NOL4: variants seen among roughly 807,000 people sequenced by gnomAD.
NOL4 encodes the protein cancer/testis antigen 125.
NOL4 carries 17 observed loss-of-function variants against 75.9 expected under a neutral mutation model. The ratio of observed to expected loss-of-function variants is 0.22; its 90% CI spans 0.15 to 0.34. NOL4 has a LOEUF of 0.34. Ranked by LOEUF, NOL4 falls within the 10% of genes least tolerant of loss-of-function variation. NOL4 has a pLI of 1.00. For missense variants in NOL4, 614 were observed against 793.5 expected (o/e 0.77, Z 2.72); for synonymous variants, 292 against 289.9 (o/e 1.01, Z -0.07).
chr18:34,153,248 A>G (rs2081734576), intron 1 of NOL4, among the ~76,000 whole-genome samples: 1 of 151,902 alleles, frequency 6.6e-6, no homozygotes, highest in African/African-American at 2.4e-5. Flanking sequence ...TCCAATATTT[A>G]TAAAATAATA....
intron 6 of NOL4, among the ~76,000 whole-genome samples, chr18:33,973,687 T>A (rs889644897): frequency 6.6e-6 from 1 of 152,162 alleles, no homozygotes; most frequent in African/African-American, 2.4e-5. Context: ...TTCTTGTGTA[T>A]CTCCATCAGA....
At chr18:34,138,008 C>T (rs1015093819) in intron 1 of NOL4, among the ~76,000 whole-genome samples, 1 of 152,062 alleles carries the variant, frequency 6.6e-6, no homozygotes, top group Non-Finnish European at 1.5e-5. Context: ...ACTGATTCAT[C>T]CATGGATAAA....
chr18:34,145,520 G>T (rs1164767887), intron 1 of NOL4, among the ~76,000 whole-genome samples: 1 of 151,606 alleles, frequency 6.6e-6, no homozygotes, highest in African/African-American at 2.4e-5. Flanking sequence ...CTAAACTCAA[G>T]AATTTATAGA....
At chr18:34,140,373 T>G (rs1255286857) in intron 1 of NOL4, among the ~76,000 whole-genome samples, 1 of 152,212 alleles carries the variant, frequency 6.6e-6, no homozygotes, top group African/African-American at 2.4e-5. Context: ...CTGTATTGGG[T>G]GCATATATAT....
At chr18:33,991,433 C>T (rs537760371) in intron 6 of NOL4, among the ~76,000 whole-genome samples, 4 of 152,182 alleles carry the variant, frequency 2.6e-5, no homozygotes, top group African/African-American at 9.6e-5. Context: ...TTAACATCTA[C>T]TCTGTTGACA....
chr18:33,972,195 G>C (rs1351762975), intron 6 of NOL4, among the ~76,000 whole-genome samples: 1 of 151,232 alleles, frequency 6.6e-6, no homozygotes, highest in African/African-American at 2.4e-5. Flanking sequence ...CAAAAATTTA[G>C]TCCAAAGATT....
At chr18:33,923,180 C>T (rs893323859) in intron 9 of NOL4, among the ~76,000 whole-genome samples, 1 of 151,984 alleles carries the variant, frequency 6.6e-6, no homozygotes, top group African/African-American at 2.4e-5. Flanking sequence ...TTTGGATATA[C>T]CAATTTTTTG....
intron 4 of NOL4, among the ~76,000 whole-genome samples, chr18:34,095,253 G>A (rs1271109082): frequency 6.9e-6 from 1 of 145,102 alleles, no homozygotes; most frequent in Non-Finnish European, 1.5e-5. Context: ...TAATGTGTAT[G>A]TGTGTGTGTG....
intron 2 of NOL4, among the ~76,000 whole-genome samples, chr18:34,110,163 A>AT (rs1568354254): frequency 1.2e-5 from 1 of 81,396 alleles, no homozygotes; most frequent in Admixed American, 1.5e-4. Flanking sequence ...AAAAAAAAAA[A>AT]TACTGGGTAG....
At chr18:34,201,532 T>C (rs1180145130) in intron 1 of NOL4, among the ~76,000 whole-genome samples, 1 of 151,916 alleles carries the variant, frequency 6.6e-6, no homozygotes, top group African/African-American at 2.4e-5. Context: ...AAGATAGTTA[T>C]ATAAATACTG....
intron 9 of NOL4, among the ~76,000 whole-genome samples, chr18:33,894,177 C>T (rs2065262996): frequency 6.6e-6 from 1 of 152,004 alleles, no homozygotes. Context: ...AAGTAAATTG[C>T]TGAGTTTCCA....
At chr18:34,031,776 T>C (rs1008356514) in intron 5 of NOL4, among the ~76,000 whole-genome samples, 4 of 151,786 alleles carry the variant, frequency 2.6e-5, no homozygotes, top group African/African-American at 9.7e-5. Flanking sequence ...AAGGAAAGAG[T>C]AAGTGAGAAA....
chr18:34,117,879 T>C (rs555798517), intron 2 of NOL4, among the ~76,000 whole-genome samples: 8 of 152,144 alleles, frequency 5.3e-5, no homozygotes, highest in South Asian at 2.1e-4. Flanking sequence ...TCACATAACG[T>C]TGGCAAATCA....
At chr18:33,879,832 A>G (rs1377373041) in intron 10 of NOL4, among the ~76,000 whole-genome samples, 1 of 151,996 alleles carries the variant, frequency 6.6e-6, no homozygotes, top group Non-Finnish European at 1.5e-5. Context: ...AGCCTTGAGC[A>G]TATCTCTTTC....
chr18:33,880,492 A>T (rs2064200347), intron 10 of NOL4, among the ~76,000 whole-genome samples: 1 of 152,058 alleles, frequency 6.6e-6, no homozygotes, highest in Non-Finnish European at 1.5e-5. Context: ...TTAGACTTCA[A>T]CCTGGTATAT....
Position 34,003,599 on chromosome 18 carries a change from T to G in NOL4, c.1056+15719A>C, listed in dbSNP as rs1034803733. ...AAGATAAAGTATAAGCCCTTCAGTA[T>G]GCATATGATACCTTCTTGTTCTGGC... is the stretch of plus-strand genomic sequence containing the variant. On this transcript the variant is annotated intron_variant, in intron 6 of 10. Coordinates refer to ENST00000261592, the MANE Select transcript of NOL4 (RefSeq NM_003787.5). 5.3e-5 allele frequency among the ~76,000 whole-genome samples: 8 copies of G among 152,220 alleles called. 1 individual carries two copies. The highest frequency in any genetic ancestry group is 3.4e-3 in the Middle Eastern group (1 of 294).
intron 5 of NOL4, among the ~76,000 whole-genome samples, chr18:34,062,068 T>C (rs1190656161): frequency 6.6e-6 from 1 of 152,056 alleles, no homozygotes; most frequent in Non-Finnish European, 1.5e-5. Context: ...AAGATAAGAC[T>C]TGGCAAGCTA....
At chr18:33,951,219 T>C (rs180702987) in intron 8 of NOL4, among the ~76,000 whole-genome samples, 5 of 152,314 alleles carry the variant, frequency 3.3e-5, no homozygotes, top group South Asian at 4.1e-4. Context: ...GTATGAGTAG[T>C]AGCCTCAGAA....
chr18:34,153,001 T>C (rs2146101402), intron 1 of NOL4, among the ~76,000 whole-genome samples: 1 of 152,008 alleles, frequency 6.6e-6, no homozygotes, highest in East Asian at 1.9e-4. Context: ...TTACCAATTT[T>C]TAAGAAGAAA....
Sources: gnomAD v4.1 joint callset for allele counts (sites outside exome capture counted in the v4.1 genomes callset) on GRCh38, gnomAD v4.1.1 for gene constraint, MANE v1.5 for transcripts, NCBI Gene and HGNC (gene_info 2026-07-23, HGNC 2026-07-21) for gene names.